Variants in ETHE1 observed in about 807,000 individuals in gnomAD.
ETHE1 encodes ETHE1 persulfide dioxygenase, also known as persulfide dioxygenase ETHE1, mitochondrial.
In ETHE1, 16 loss-of-function variants were observed where a neutral mutation model predicts 25.7. That is an observed-to-expected ratio of 0.62 (90% CI 0.42 to 0.95). The LOEUF is 0.95. Ranked by LOEUF, ETHE1 falls within the 40% of genes least tolerant of loss-of-function variation. ETHE1 has a pLI of 0.00. For synonymous variants in ETHE1, 139 were observed against 135.9 expected (o/e 1.02, Z -0.16); for missense variants, 300 against 333.6 (o/e 0.90, Z 0.79).
chr19:43,526,041 T>C (rs1600018453), intron 3 of ETHE1, 160 bp downstream of exon 3: 2 of 1,095,614 alleles, frequency 1.8e-6, no homozygotes, highest in East Asian at 2.5e-5. Flanking sequence ...CCTGGGTTTA[T>C]GGTGCCCCCC....
intron 4 of ETHE1, among the ~76,000 whole-genome samples, chr19:43,510,335 C>CTTTTT (rs11330382): frequency 7.5e-6 from 1 of 133,302 alleles, no homozygotes; most frequent in Non-Finnish European, 1.6e-5. Flanking sequence ...CTTTTTTTAT[C>CTTTTT]TTTTTTTTTT....
intron 3 of ETHE1, among the ~76,000 whole-genome samples, chr19:43,519,000 T>G (rs1326540962): frequency 3.0e-4 from 10 of 33,034 alleles, no homozygotes; most frequent in African/African-American, 2.0e-3. Context: ...TTTGTGCTTG[T>G]TTTTTTTTTT....
intron 3 of ETHE1, among the ~76,000 whole-genome samples, chr19:43,525,034 T>G (rs1233514235): frequency 6.7e-6 from 1 of 148,298 alleles, no homozygotes; most frequent in Non-Finnish European, 1.5e-5. Flanking sequence ...TGGTCCCAGC[T>G]ACCAGGGAGG....
chr19:43,507,404 CCAGTCCCT>C (rs1971803226), intron 6 of ETHE1, among the ~76,000 whole-genome samples: 1 of 52,306 alleles, frequency 1.9e-5, no homozygotes, highest in African/African-American at 8.3e-5. Context: ...TCCTCCTCCC[CCAGTCCCT>C]CCTCCCTCAG....
chr19:43,507,311 G>T (rs570396678), intron 6 of ETHE1, among the ~76,000 whole-genome samples: 29 of 85,732 alleles, frequency 3.4e-4, no homozygotes, highest in East Asian at 7.4e-4. Flanking sequence ...AGGAGTCCAG[G>T]CCCCCAGCCC....
rs777509773 is a variant in ETHE1, at chr19:43,506,802, C to G, written c.*48G>C. On this transcript the variant is annotated 3_prime_UTR_variant, in exon 7 of 7. Coordinates refer to ENST00000292147, the MANE Select transcript of ETHE1 (RefSeq NM_014297.5). ...TGCAGTGTCATTGCCGCCCTCTCCT[C>G]CCACCTAGTGCATTAATAGTGGATG... is the stretch of plus-strand genomic sequence containing the variant. 1.9e-6 allele frequency: 3 copies of G among 1,561,686 alleles called. No homozygotes were observed. The South Asian group carries it at 3.3e-5, about 17-fold the overall frequency.
intron 4 of ETHE1, among the ~76,000 whole-genome samples, chr19:43,509,954 G>A (rs367754747): frequency 7.9e-5 from 12 of 152,302 alleles, no homozygotes; most frequent in African/African-American, 2.9e-4. Flanking sequence ...TCAGCTTCCT[G>A]ACTGTACTGT....
At chr19:43,523,683 C>T (rs1972181328) in intron 3 of ETHE1, among the ~76,000 whole-genome samples, 1 of 152,102 alleles carries the variant, frequency 6.6e-6, no homozygotes, top group African/African-American at 2.4e-5. Flanking sequence ...GCCTATAATC[C>T]CAGCACTTTG....
chr19:43,522,435 A>T (rs372373041), intron 3 of ETHE1, among the ~76,000 whole-genome samples: 184 of 151,878 alleles, frequency 1.2e-3, no homozygotes, highest in African/African-American at 4.0e-3. Context: ...AAACAAATTT[A>T]AAAAAAAACC....
At position 43,526,221 on chromosome 19, in the gene ETHE1, AG is replaced by A. The variant is rs1268104835; in HGVS notation, c.354del (p.Ser119ProfsTer26). The A allele has an allele frequency of 6.2e-7, 1 of 1,614,122 alleles. No homozygotes were observed. The highest frequency in any genetic ancestry group is 1.1e-5 in the South Asian group (1 of 91,086). On this transcript the variant is annotated frameshift_variant, in exon 3 of 7. Coordinates refer to ENST00000292147, the MANE Select transcript of ETHE1 (RefSeq NM_014297.5). LOFTEE classifies it high-confidence loss of function. ...CTCACGAAGCGCCCGAAGCGGATGG[AG>A]TCTCCATCCTCAATGTGTAAGTCAG... is the stretch of plus-strand genomic sequence containing the variant. ...AQADLHIEDG[D>X]SIRFGRFALE...
At position 43,518,948 on chromosome 19, in the gene ETHE1, TCATGACCTATAGTGA is replaced by T. The variant is rs1161348700; in HGVS notation, c.375+7238_375+7252del. Among the ~76,000 whole-genome samples, 3 of 149,810 alleles carry T rather than the reference TCATGACCTATAGTGA, an allele frequency of 2.0e-5. No homozygotes were observed. The East Asian group carries it at 5.9e-4, about 30-fold the overall frequency. On this transcript the variant is annotated intron_variant, in intron 3 of 6. Transcript: ENST00000292147. Reference sequence around the variant, plus strand: ...GGAGAGGGGCGCGGTTCTAAAAGTTTCATGACCTATAGTGACATAATTGCTCTGATGGCTGATGAA... The same window carrying T: ...GGAGAGGGGCGCGGTTCTAAAAGTTTCATAATTGCTCTGATGGCTGATGAA...
chr19:43,525,016 C>G (rs927896576), intron 3 of ETHE1, among the ~76,000 whole-genome samples: 12 of 150,770 alleles, frequency 8.0e-5, no homozygotes, highest in African/African-American at 2.7e-4. Context: ...CGTGCTGGTG[C>G]ATGCCTGTGG....
In ETHE1 at chr19:43,527,179, G is replaced by C; in HGVS notation, c.-2C>G. The stretch of plus-strand genomic sequence containing the variant: ...GACCCTCAGTACAGCCTCCGCCATC[G>C]CGCCCACTGCGGGGTCAGGAATGAG... On this transcript the variant is annotated 5_prime_UTR_variant, in exon 1 of 7. Transcript: ENST00000292147. 2 of 1,537,256 alleles carry C rather than the reference G, an allele frequency of 1.3e-6. No individual in the cohort carries two copies. Among genetic ancestry groups the C allele is most frequent in the African/African-American group, 1.4e-5 (1 of 73,114 alleles).
intron 3 of ETHE1, among the ~76,000 whole-genome samples, chr19:43,522,125 A>G (rs978953897): frequency 1.3e-5 from 2 of 152,170 alleles, no homozygotes; most frequent in East Asian, 1.9e-4. Flanking sequence ...ATTGAAAACT[A>G]TCAAAGTAAC....
chr19:43,510,344 T>TC (rs1971886429), intron 4 of ETHE1, among the ~76,000 whole-genome samples: 1 of 150,456 alleles, frequency 6.6e-6, no homozygotes, highest in Non-Finnish European at 1.5e-5. Flanking sequence ...TCTTTTTTTT[T>TC]TTTTTTTTTG....
At chr19:43,508,193 C>T in intron 5 of ETHE1, 133 bp from the exon 6 acceptor site, 3 of 1,415,804 alleles carry the variant, frequency 2.1e-6, no homozygotes, top group South Asian at 1.3e-5. Flanking sequence ...ATTGCTTTCC[C>T]TCCTCCATGG....
intron 3 of ETHE1, among the ~76,000 whole-genome samples, chr19:43,519,952 G>A (rs928400840): frequency 2.6e-5 from 4 of 151,724 alleles, no homozygotes; most frequent in East Asian, 1.9e-4. Flanking sequence ...GATGGTGCAC[G>A]TCTGTAGGCC....
In ETHE1 at chr19:43,526,189, C is replaced by T. The variant is rs1336470655; in HGVS notation, c.375+12G>A. On this transcript the variant is annotated intron_variant, in intron 3 of 6. Coordinates refer to ENST00000292147, the MANE Select transcript of ETHE1 (RefSeq NM_014297.5). ...GGCCACCACCCTCTTGGGGACCCAG[C>T]ACCCAACTCACGAAGCGCCCGAAGC... The T allele has an allele frequency of 1.2e-6, 2 of 1,614,086 alleles. No individual in the cohort carries two copies. The highest frequency in any genetic ancestry group is 1.7e-6 in the Non-Finnish European group (2 of 1,180,006).
At chr19:43,526,000 C>T in intron 3 of ETHE1, 1 of 681,636 alleles carries the variant, frequency 1.5e-6, no homozygotes, top group Non-Finnish European at 2.5e-6. Context: ...CAGTGCCCCA[C>T]CTGCCCAGAG....
Sources: allele counts gnomAD v4.1 joint callset (sites outside exome capture counted in the v4.1 genomes callset), GRCh38; gene constraint gnomAD v4.1.1; transcripts MANE v1.5; gene names NCBI Gene and HGNC (gene_info 2026-07-23, HGNC 2026-07-21).